Variants in CDH13 observed in about 807,000 individuals in gnomAD.
The protein encoded by CDH13 is cadherin-13.
A neutral mutation model predicts 63.8 loss-of-function variants in CDH13; 24 were observed. The observed-to-expected ratio is 0.38, with a 90% CI of 0.27 to 0.53. The LOEUF (loss-of-function observed/expected upper bound fraction) is 0.53. CDH13 is among the 20% of genes least tolerant of loss of function. The probability of loss-of-function intolerance (pLI) is 0.85; values close to 1 mark genes in which losing one functional copy is unlikely to be tolerated. For missense variants in CDH13, 1,049 were observed against 903.1 expected (o/e 1.16, Z -2.07); for synonymous variants, 503 against 355.3 (o/e 1.42, Z -4.67).
At chr16:83,089,626 C>A (rs1597314529) in intron 3 of CDH13, among the ~76,000 whole-genome samples, 1 of 152,250 alleles carries the variant, frequency 6.6e-6, no homozygotes, top group South Asian at 2.1e-4. Context: ...TGGAAGATTG[C>A]CTTTAGGGAG....
chr16:83,645,669 A>G (rs988726039), intron 8 of CDH13, among the ~76,000 whole-genome samples: 13 of 151,550 alleles, frequency 8.6e-5, no homozygotes, highest in African/African-American at 3.2e-4. Flanking sequence ...TTCTCCAATC[A>G]CCAGAGCACT....
chr16:83,529,752 TA>T (rs938811511), intron 7 of CDH13, among the ~76,000 whole-genome samples: 1 of 151,934 alleles, frequency 6.6e-6, no homozygotes, highest in Non-Finnish European at 1.5e-5. Flanking sequence ...AACGACCACA[TA>T]AAAGAAAAAT....
intron 2 of CDH13, among the ~76,000 whole-genome samples, chr16:82,983,572 G>A (rs887598335): frequency 1.3e-5 from 2 of 152,190 alleles, no homozygotes; most frequent in African/African-American, 4.8e-5. Flanking sequence ...GAGAATGTGG[G>A]AGGAAAATGA....
rs188972072 is a variant in CDH13, at chr16:82,746,681, A to G, written c.46-111681A>G. The stretch of plus-strand genomic sequence containing the variant: ...AAGTAAGTGGTTTACTTAAGCATAC[A>G]TATATATACAATTTCATTTTCCTAA... On this transcript the variant is annotated intron_variant, in intron 1 of 13. Coordinates refer to ENST00000567109, the MANE Select transcript of CDH13 (RefSeq NM_001257.5). Among the ~76,000 whole-genome samples the G allele has an allele frequency of 4.6e-5, 7 of 152,260 alleles. No individual in the cohort carries two copies. In the Middle Eastern group the frequency reaches 0.01, roughly 222 times the overall value.
chr16:82,729,558 C>T (rs1022063206), intron 1 of CDH13, among the ~76,000 whole-genome samples: 2 of 151,916 alleles, frequency 1.3e-5, no homozygotes, highest in South Asian at 4.2e-4. Context: ...ATGCTGTAAA[C>T]AGATGTGCTG....
intron 6 of CDH13, among the ~76,000 whole-genome samples, chr16:83,373,027 C>T (rs2091400392): frequency 6.6e-6 from 1 of 152,086 alleles, no homozygotes; most frequent in African/African-American, 2.4e-5. Flanking sequence ...AATAGTTTAT[C>T]GTCATATCAA....
intron 1 of CDH13, among the ~76,000 whole-genome samples, chr16:82,787,512 G>T (rs935481635): frequency 1.3e-5 from 2 of 152,108 alleles, no homozygotes; most frequent in Non-Finnish European, 2.9e-5. Context: ...GCATTGGGGG[G>T]CTTTAATCAG....
intron 6 of CDH13, among the ~76,000 whole-genome samples, chr16:83,349,511 G>A (rs942317781): frequency 1.3e-5 from 2 of 152,136 alleles, no homozygotes; most frequent in Non-Finnish European, 2.9e-5. Flanking sequence ...CCTGTGGTTT[G>A]CTTGAGAGGT....
intron 2 of CDH13, among the ~76,000 whole-genome samples, chr16:82,920,772 G>C (rs1350918793): frequency 6.6e-6 from 1 of 152,142 alleles, no homozygotes; most frequent in African/African-American, 2.4e-5. Flanking sequence ...AGACAGAAGG[G>C]TTAAGAATGG....
intron 5 of CDH13, among the ~76,000 whole-genome samples, chr16:83,339,322 T>C (rs898516744): frequency 5.3e-5 from 8 of 152,186 alleles, no homozygotes; most frequent in Non-Finnish European, 2.9e-5. Flanking sequence ...TATCATACTT[T>C]CTGGTTGCTC....
At chr16:83,464,161 C>T in intron 6 of CDH13, among the ~76,000 whole-genome samples, 1 of 152,112 alleles carries the variant, frequency 6.6e-6, no homozygotes, top group African/African-American at 2.4e-5. Context: ...GCAACCTCTA[C>T]CGTCCTGGTT....
At chr16:82,694,827 A>C (rs562883149) in intron 1 of CDH13, among the ~76,000 whole-genome samples, 1 of 152,296 alleles carries the variant, frequency 6.6e-6, no homozygotes, top group East Asian at 1.9e-4. Flanking sequence ...CCTACTTGTA[A>C]AGTGGACAGC....
chr16:83,496,694 C>G (rs1013970297), intron 7 of CDH13, among the ~76,000 whole-genome samples: 15 of 152,174 alleles, frequency 9.9e-5, no homozygotes, highest in African/African-American at 2.9e-4. Context: ...TTCTGCACAG[C>G]AAAAGAAACT....
chr16:82,856,721 A>T (rs79535689), intron 1 of CDH13, among the ~76,000 whole-genome samples: 6 of 143,868 alleles, frequency 4.2e-5, no homozygotes, highest in Admixed American at 7.0e-5. Context: ...AAAAAAAAAA[A>T]GGAAACTTTA....
At chr16:83,504,821 T>C (rs1166244722) in intron 7 of CDH13, among the ~76,000 whole-genome samples, 1 of 152,218 alleles carries the variant, frequency 6.6e-6, no homozygotes, top group Non-Finnish European at 1.5e-5. Flanking sequence ...TTGTTTATAG[T>C]TGTGTTTTTT....
At chr16:83,161,070 T>C (rs961890812) in intron 4 of CDH13, among the ~76,000 whole-genome samples, 1 of 152,238 alleles carries the variant, frequency 6.6e-6, no homozygotes, top group Non-Finnish European at 1.5e-5. Context: ...CTGGTGTTCT[T>C]ATACGTCATA....
At chr16:83,570,847 T>C (rs1336674637) in intron 7 of CDH13, among the ~76,000 whole-genome samples, 1 of 140,452 alleles carries the variant, frequency 7.1e-6, no homozygotes, top group African/African-American at 2.6e-5. Flanking sequence ...TATTTTTATA[T>C]ATATAAATAT....
At chr16:83,220,223 G>A (rs368169858) in intron 5 of CDH13, among the ~76,000 whole-genome samples, 2 of 152,282 alleles carry the variant, frequency 1.3e-5, no homozygotes, top group South Asian at 4.1e-4. Context: ...CTTCTTCCTT[G>A]AAGAAGCAAG....
intron 2 of CDH13, among the ~76,000 whole-genome samples, chr16:82,886,348 C>G (rs544789630): frequency 4.0e-4 from 61 of 152,302 alleles, no homozygotes; most frequent in African/African-American, 1.3e-3. Flanking sequence ...GTTTGCATTT[C>G]CATATGGTTT....
Sources: allele counts gnomAD v4.1 joint callset (sites outside exome capture counted in the v4.1 genomes callset), GRCh38; gene constraint gnomAD v4.1.1; transcripts MANE v1.5; gene names NCBI Gene and HGNC (gene_info 2026-07-23, HGNC 2026-07-21).